Variants in SMYD3 observed in about 807,000 individuals in gnomAD.
SMYD3 encodes the protein SET and MYND domain containing 3, also known as histone-lysine N-methyltransferase SMYD3.
A neutral mutation model predicts 57.7 loss-of-function variants in SMYD3; 36 were observed. The observed-to-expected ratio is 0.62, with a 90% CI of 0.48 to 0.82. The LOEUF is 0.82. Among genes scored for constraint, SMYD3 ranks in the 40% least tolerant of loss-of-function variants. The pLI is 0.00. For synonymous variants in SMYD3, 211 were observed against 195.0 expected (o/e 1.08, Z -0.68); for missense variants, 515 against 538.8 (o/e 0.96, Z 0.44).
intron 8 of SMYD3, among the ~76,000 whole-genome samples, chr1:245,870,990 CCCAGTACTT>C (rs2148515809): frequency 6.6e-6 from 1 of 152,264 alleles, no homozygotes; most frequent in African/African-American, 2.4e-5. Context: ...TAATCTGCTT[CCCAGTACTT>C]CCTGTTATCC....
chr1:246,311,456 C>T (rs1357853681), intron 5 of SMYD3, among the ~76,000 whole-genome samples: 3 of 152,246 alleles, frequency 2.0e-5, no homozygotes, highest in Non-Finnish European at 4.4e-5. Context: ...AATGTCATCA[C>T]ATCCTTGTAA....
intron 10 of SMYD3, among the ~76,000 whole-genome samples, chr1:245,854,610 T>A (rs937381956): frequency 6.6e-6 from 1 of 151,832 alleles, no homozygotes; most frequent in Non-Finnish European, 1.5e-5. Context: ...TCTCTCTCTC[T>A]TTTTCCCGCA....
At chr1:246,034,426 G>A (rs900187356) in intron 5 of SMYD3, 3 of 152,140 alleles carry the variant, frequency 2.0e-5, no homozygotes, top group Non-Finnish European at 2.9e-5. Flanking sequence ...TTGGTTAAGA[G>A]TCACAGTCAA....
intron 5 of SMYD3, among the ~76,000 whole-genome samples, chr1:246,292,919 T>A (rs2064723281): frequency 6.6e-6 from 1 of 152,088 alleles, no homozygotes; most frequent in African/African-American, 2.4e-5. Context: ...TAATGCTAAG[T>A]ATTAAGACTG....
At chr1:246,221,664 G>A (rs1458403145) in intron 5 of SMYD3, among the ~76,000 whole-genome samples, 1 of 152,178 alleles carries the variant, frequency 6.6e-6, no homozygotes, top group East Asian at 1.9e-4. Flanking sequence ...TGGTGCTCAC[G>A]CCAGCACCTG....
intron 1 of SMYD3, among the ~76,000 whole-genome samples, chr1:246,438,711 CT>C (rs1264495023): frequency 8.5e-5 from 13 of 152,052 alleles, no homozygotes; most frequent in African/African-American, 3.1e-4. Flanking sequence ...TGGAAGACAA[CT>C]TTTCCACAGA....
At chr1:246,067,712 AT>A (rs1414096056) in intron 5 of SMYD3, among the ~76,000 whole-genome samples, 4 of 152,150 alleles carry the variant, frequency 2.6e-5, no homozygotes, top group Non-Finnish European at 4.4e-5. Flanking sequence ...GATCATTTTC[AT>A]TAAACACGTA....
At chr1:246,063,100 G>C (rs574332444) in intron 5 of SMYD3, among the ~76,000 whole-genome samples, 1 of 152,120 alleles carries the variant, frequency 6.6e-6, no homozygotes, top group Admixed American at 6.5e-5. Context: ...CTCAGGGCTC[G>C]GCACACAGTC....
At chr1:246,125,077 A>ACAC (rs1553295580) in intron 5 of SMYD3, among the ~76,000 whole-genome samples, 4 of 104,316 alleles carry the variant, frequency 3.8e-5, no homozygotes, top group Admixed American at 9.5e-5. Flanking sequence ...GTCTCAAAAA[A>ACAC]AAAAAAAAAA....
intron 8 of SMYD3, among the ~76,000 whole-genome samples, chr1:245,904,831 A>AT (rs1553357197): frequency 6.6e-6 from 1 of 151,110 alleles, no homozygotes; most frequent in African/African-American, 2.4e-5. Flanking sequence ...TCCAAAAGAG[A>AT]CCCCTTCCTT....
chr1:246,310,567 G>A (rs1331967101), intron 5 of SMYD3, among the ~76,000 whole-genome samples: 1 of 151,438 alleles, frequency 6.6e-6, no homozygotes, highest in African/African-American at 2.4e-5. Flanking sequence ...ATGTTTAAAC[G>A]AAATTTGCCA....
At chr1:246,170,974 T>A (rs1300317031) in intron 5 of SMYD3, among the ~76,000 whole-genome samples, 1 of 152,232 alleles carries the variant, frequency 6.6e-6, no homozygotes, top group Non-Finnish European at 1.5e-5. Context: ...TAATTTTTTT[T>A]AAACCAGAAG....
chr1:246,100,322 G>A, intron 5 of SMYD3, among the ~76,000 whole-genome samples: 1 of 152,194 alleles, frequency 6.6e-6, no homozygotes, highest in East Asian at 1.9e-4. Flanking sequence ...AGCCAGGTAG[G>A]TAGTGAAGAA....
chr1:246,224,137 T>C (rs1174908194), intron 5 of SMYD3, among the ~76,000 whole-genome samples: 1 of 152,056 alleles, frequency 6.6e-6, no homozygotes, highest in Non-Finnish European at 1.5e-5. Context: ...TCTGTCCTCA[T>C]AAAGCTCAGA....
At chr1:246,162,475 A>G (rs987322942) in intron 5 of SMYD3, among the ~76,000 whole-genome samples, 1 of 152,152 alleles carries the variant, frequency 6.6e-6, no homozygotes, top group African/African-American at 2.4e-5. Context: ...AAACTAATAG[A>G]ATTGGTGTGC....
intron 1 of SMYD3, among the ~76,000 whole-genome samples, chr1:246,422,603 G>T (rs2067159765): frequency 6.6e-6 from 1 of 152,004 alleles, no homozygotes; most frequent in Non-Finnish European, 1.5e-5. Flanking sequence ...TGTATTTTTA[G>T]TAGAGACGGG....
At chr1:246,507,009 C>CCCCCCCCCCCG in intron 1 of SMYD3, 45 bp downstream of exon 1, 1 of 1,356,752 alleles carries the variant, frequency 7.4e-7, no homozygotes, top group African/African-American at 1.5e-5. Context: ...CCCCAGCACC[C>CCCCCCCCCCCG]CACACAGCTC....
At position 246,346,148 on chromosome 1, in the gene SMYD3, G is replaced by A. The variant is rs534485882; in HGVS notation, c.228+8883C>T. Among the ~76,000 whole-genome samples the A allele has an allele frequency of 2.6e-5, 4 of 152,274 alleles. No homozygotes were observed. In the East Asian group the frequency reaches 7.7e-4, roughly 29 times the overall value. On this transcript the variant is annotated intron_variant, in intron 2 of 11. Coordinates refer to ENST00000490107, the MANE Select transcript of SMYD3 (RefSeq NM_001167740.2). The stretch of plus-strand genomic sequence containing the variant: ...AAATACAAAAAATTAGCCGGGCGTG[G>A]TGGCGGGCACCTGTAGTCCCAGCTC...
intron 9 of SMYD3, among the ~76,000 whole-genome samples, chr1:245,863,573 C>G (rs1394724932): frequency 6.6e-6 from 1 of 152,138 alleles, no homozygotes; most frequent in African/African-American, 2.4e-5. Context: ...TTGATTATTA[C>G]CTAACGGTAG....
Sources: gnomAD v4.1 joint callset for allele counts (sites outside exome capture counted in the v4.1 genomes callset) on GRCh38, gnomAD v4.1.1 for gene constraint, MANE v1.5 for transcripts, NCBI Gene and HGNC (gene_info 2026-07-23, HGNC 2026-07-21) for gene names.